Variants in RIMS2 observed in about 807,000 individuals in gnomAD.
RIMS2 encodes the protein regulating synaptic membrane exocytosis protein 2.
RIMS2 carries 59 observed loss-of-function variants against 174.4 expected under a neutral mutation model. The observed-to-expected ratio is 0.34, with a 90% CI of 0.27 to 0.42. The LOEUF (loss-of-function observed/expected upper bound fraction) is 0.42. Ranked by LOEUF, RIMS2 falls within the 10% of genes least tolerant of loss-of-function variation. RIMS2 has a pLI of 1.00. For synonymous variants in RIMS2, 606 were observed against 572.5 expected (o/e 1.06, Z -0.84); for missense variants, 1,620 against 1,666.3 (o/e 0.97, Z 0.48).
At chr8:103,766,070 A>C (rs181763076) in intron 2 of RIMS2, among the ~76,000 whole-genome samples, 157 bp from the exon 6 acceptor site, 24 of 152,174 alleles carry the variant, frequency 1.6e-4, no homozygotes, top group Non-Finnish European at 2.9e-4. Context: ...AAAAGAAAGT[A>C]TATATTATTT....
intron 3 of RIMS2, among the ~76,000 whole-genome samples, chr8:103,790,461 T>C (rs2154442694): frequency 6.6e-6 from 1 of 152,354 alleles, no homozygotes; most frequent in South Asian, 2.1e-4. Context: ...ATGGAATATT[T>C]CATTGTATGT....
chr8:103,712,811 A>T (rs1387296111), intron 2 of RIMS2, among the ~76,000 whole-genome samples: 1 of 152,224 alleles, frequency 6.6e-6, no homozygotes, highest in Non-Finnish European at 1.5e-5. Flanking sequence ...TGGAATATCC[A>T]GTTAACTTTA....
At chr8:103,601,916 C>G (rs2133786581) in intron 1 of RIMS2, among the ~76,000 whole-genome samples, 2 of 152,168 alleles carry the variant, frequency 1.3e-5, no homozygotes, top group Admixed American at 1.3e-4. Context: ...AACAAACAAA[C>G]TTGACAAAAT....
At chr8:103,832,585 T>A (rs761233703) in intron 3 of RIMS2, among the ~76,000 whole-genome samples, 3 of 152,270 alleles carry the variant, frequency 2.0e-5, no homozygotes, top group South Asian at 2.1e-4. Context: ...CGCCTCTATG[T>A]GTCCATGTGT....
At chr8:103,996,601 TA>T (rs1489610656) in intron 17 of RIMS2, among the ~76,000 whole-genome samples, 1 of 151,952 alleles carries the variant, frequency 6.6e-6, no homozygotes, top group East Asian at 1.9e-4. Flanking sequence ...GGAAATCCAG[TA>T]CATTAAATGC....
rs577669506 is a variant in RIMS2 at position 104,098,548 on chromosome 8, T to C, written c.3334+83933T>C. ...AAGAAATTATTTCTCTATACACTTA[T>C]GGTTCTCAGGCATATCTATAAATGC... On this transcript the variant is annotated intron_variant, in intron 19 of 23. Coordinates refer to ENST00000504942, the Ensembl canonical transcript of RIMS2. Among the ~76,000 whole-genome samples, 143 of 152,326 alleles carry C rather than the reference T, an allele frequency of 9.4e-4. 1 individual carries two copies. The highest frequency in any genetic ancestry group is 3.3e-3 in the African/African-American group (138 of 41,590).
intron 1 of RIMS2, among the ~76,000 whole-genome samples, chr8:103,565,977 A>G (rs1285945446): frequency 1.3e-5 from 2 of 152,200 alleles, no homozygotes; most frequent in Non-Finnish European, 2.9e-5. Context: ...AATGTTTTTC[A>G]AATTAAGAGG....
intron 19 of RIMS2, among the ~76,000 whole-genome samples, chr8:104,069,653 G>A (rs1453494175): frequency 6.6e-6 from 1 of 151,646 alleles, no homozygotes; most frequent in Non-Finnish European, 1.5e-5. Context: ...ATTTTTAGGA[G>A]AGACGAGGTT....
intron 19 of RIMS2, among the ~76,000 whole-genome samples, chr8:104,055,766 T>A (rs2096858055): frequency 6.6e-6 from 1 of 152,226 alleles, no homozygotes; most frequent in African/African-American, 2.4e-5. Flanking sequence ...AAGATCCTTC[T>A]ACATAAGAGC....
Position 103,745,814 on chromosome 8 carries a change from T to G in RIMS2, c.388-20413T>G, listed in dbSNP as rs116966348. 5.6e-3 allele frequency among the ~76,000 whole-genome samples: 855 copies of G among 152,320 alleles called. 5 individuals carry two copies. Among genetic ancestry groups the G allele is most frequent in the Non-Finnish European group, 8.3e-3 (567 of 68,024 alleles). The stretch of plus-strand genomic sequence containing the variant: ...TTGTCCATTTAAGGTTGGGTTGTTG[T>G]TGGGTTGTAAGAGTTCTTTATATAT... On this transcript the variant is annotated intron_variant, in intron 2 of 23. Transcript: ENST00000504942.
chr8:104,128,997 T>C (rs1379039840), intron 19 of RIMS2, among the ~76,000 whole-genome samples: 1 of 152,198 alleles, frequency 6.6e-6, no homozygotes, highest in Non-Finnish European at 1.5e-5. Flanking sequence ...ATTTCTTCCT[T>C]CAATTATGCC....
intron 1 of RIMS2, among the ~76,000 whole-genome samples, chr8:103,502,690 T>C (rs1258660410): frequency 6.6e-6 from 1 of 152,110 alleles, no homozygotes; most frequent in African/African-American, 2.4e-5. Flanking sequence ...CAGTTTGATA[T>C]TTAAATATGT....
At chr8:103,890,769 T>C (rs570728614) in intron 4 of RIMS2, among the ~76,000 whole-genome samples, 73 of 152,166 alleles carry the variant, frequency 4.8e-4, no homozygotes, top group Middle Eastern at 3.4e-3. Context: ...AATTTAAATA[T>C]TTTGAACATT....
chr8:103,552,437 C>G (rs1848430946), intron 1 of RIMS2, among the ~76,000 whole-genome samples: 1 of 152,116 alleles, frequency 6.6e-6, no homozygotes, highest in South Asian at 2.1e-4. Context: ...ATACCTTATA[C>G]AAAAATTAAT....
intron 1 of RIMS2, among the ~76,000 whole-genome samples, chr8:103,508,214 G>C (rs1355117521): frequency 1.3e-5 from 2 of 151,976 alleles, no homozygotes; most frequent in Non-Finnish European, 2.9e-5. Context: ...TAATTCTTAA[G>C]GAGCTCATTG....
At chr8:104,250,156 T>C (rs1275336406) in intron 22 of RIMS2, among the ~76,000 whole-genome samples, 1 of 152,222 alleles carries the variant, frequency 6.6e-6, no homozygotes, top group East Asian at 1.9e-4. Flanking sequence ...CCATGGAAGG[T>C]GCTACAGTGC....
chr8:103,902,740 C>G (rs2073441481), intron 4 of RIMS2, among the ~76,000 whole-genome samples: 1 of 152,080 alleles, frequency 6.6e-6, no homozygotes, highest in Non-Finnish European at 1.5e-5. Flanking sequence ...TCTGAGAAAT[C>G]TTCTGTGTTT....
intron 15 of RIMS2, among the ~76,000 whole-genome samples, chr8:103,974,822 G>A (rs929382912): frequency 2.6e-5 from 4 of 152,040 alleles, no homozygotes; most frequent in African/African-American, 9.7e-5. Context: ...GCTAGTCTAA[G>A]CAACATAGTG....
chr8:104,236,157 A>T (rs986820272), intron 19 of RIMS2, among the ~76,000 whole-genome samples: 3 of 151,784 alleles, frequency 2.0e-5, no homozygotes, highest in Admixed American at 6.6e-5. Context: ...GTTAAATGTC[A>T]TAGGTGATAT....
Sources: allele counts gnomAD v4.1 joint callset (sites outside exome capture counted in the v4.1 genomes callset), GRCh38; gene constraint gnomAD v4.1.1; transcripts MANE v1.5; gene names NCBI Gene and HGNC (gene_info 2026-07-23, HGNC 2026-07-21).